MAP4K2: variants seen among roughly 807,000 people sequenced by gnomAD.
The protein encoded by MAP4K2 is B lymphocyte serine/threonine protein kinase.
A neutral mutation model predicts 125.3 loss-of-function variants in MAP4K2; 85 were observed. The observed-to-expected ratio is 0.68, with a 90% CI of 0.57 to 0.81. The LOEUF (loss-of-function observed/expected upper bound fraction) is 0.81. Ranked by LOEUF, MAP4K2 falls within the 40% of genes least tolerant of loss-of-function variation. The pLI is 0.00. For missense variants in MAP4K2, 923 were observed against 1,056.4 expected, an observed-to-expected ratio of 0.87 and a Z score of 1.75; for synonymous variants, 479 against 445.1, an observed-to-expected ratio of 1.08 and a Z score of -0.96.
chr11:64,803,122 G>T lies in MAP4K2; in HGVS notation c.28C>A (p.Gln10Lys). The change falls in exon 1 of 32, where the codon CAG (glutamine) becomes AAG (lysine). Residue 10 changes from glutamine (Q) to lysine (K), a missense_variant. Around this residue, in one of 2 missense-constraint regions of MAP4K2, gnomAD observed 833 missense variants for 911.4 expected, o/e 0.91. Transcript: ENST00000294066. MALLRDVSL[Q>K]DPRDRFELLQ... Reference sequence around the variant, plus strand: ...AGCTCGAAGCGGTCCCGCGGGTCCTGCAGCGACACATCCCGCAGCAGCGCC... The same window carrying T: ...AGCTCGAAGCGGTCCCGCGGGTCCTTCAGCGACACATCCCGCAGCAGCGCC... 6.3e-7 allele frequency: 1 copy of T among 1,575,064 alleles called. No homozygotes were observed. Among genetic ancestry groups the T allele is most frequent in the South Asian group, 1.1e-5 (1 of 88,140 alleles).
intron 24 of MAP4K2, 95 bp downstream of exon 24, chr11:64,796,178 C>T: frequency 1.7e-6 from 2 of 1,155,788 alleles, no homozygotes; most frequent in Non-Finnish European, 2.4e-6. Flanking sequence ...GACAACACGT[C>T]TAAGATTGCT....
In MAP4K2 at chr11:64,798,753, C is replaced by A. The variant is rs372463039; in HGVS notation, c.1097+41G>T. 4 of 1,611,520 alleles carry A rather than the reference C, an allele frequency of 2.5e-6. No homozygotes were observed. In the South Asian group the frequency reaches 3.3e-5, roughly 13 times the overall value. On this transcript the variant is annotated intron_variant, in intron 15 of 31. Transcript: ENST00000294066. ...CCCGGTCAGAGGTCAGCCTTTCTGCCGCCCCTGCCACCCCCTGCAGCTTCC... is the reference window on the plus strand; with the variant it reads ...CCCGGTCAGAGGTCAGCCTTTCTGCAGCCCCTGCCACCCCCTGCAGCTTCC...
intron 25 of MAP4K2, 44 bp downstream of exon 25, chr11:64,792,320 C>CG (rs774741913): frequency 1.9e-6 from 3 of 1,562,208 alleles, no homozygotes; most frequent in Non-Finnish European, 2.6e-6. Flanking sequence ...GCCTGCGCTG[C>CG]CCCCCACCAG....
At chr11:64,799,380 A>G in intron 14 of MAP4K2, 41 bp downstream of exon 14, 1 of 1,605,042 alleles carries the variant, frequency 6.2e-7, no homozygotes, top group Non-Finnish European at 8.5e-7. Context: ...TCCCTGCCCC[A>G]CCTCTGGGCA....
chr11:64,801,676 C>T, intron 6 of MAP4K2, 34 bp downstream of exon 6: 1 of 1,613,838 alleles, frequency 6.2e-7, no homozygotes, highest in Non-Finnish European at 8.5e-7. Flanking sequence ...GCCTCCTCCT[C>T]CCTCCCCAGG....
chr11:64,791,272 A>C (rs569213147), intron 27 of MAP4K2, among the ~76,000 whole-genome samples: 1 of 152,232 alleles, frequency 6.6e-6, no homozygotes, highest in Non-Finnish European at 1.5e-5. Flanking sequence ...CCAAGCTGCC[A>C]CAACACCTGG....
rs1940273877 is a variant in MAP4K2, at chr11:64,788,102, ACT to A, written c.*1433_*1434del. Reference sequence around the variant, plus strand: ...ACTGGACAGAGTCAGAACAGTTGAAACTCTGCTGGAGGGTGGCTGAGGGGACA... The same window carrying A: ...ACTGGACAGAGTCAGAACAGTTGAAACTGCTGGAGGGTGGCTGAGGGGACA... On this transcript the variant is annotated 3_prime_UTR_variant, in exon 32 of 32. Coordinates refer to ENST00000294066, the MANE Select transcript of MAP4K2 (RefSeq NM_004579.5). The A allele has an allele frequency of 2.0e-5, 3 of 151,814 alleles. No homozygotes were observed. Among genetic ancestry groups the A allele is most frequent in the Admixed American group, 6.6e-5 (1 of 15,236 alleles). 9.4% of individuals were successfully genotyped at this position (151,814 alleles called of 1,614,324 possible). A position where few individuals can be genotyped will look rare whatever the true frequency, so the allele number is the denominator to read the frequency against.
At chr11:64,799,940 G>A (rs1941059914) in intron 12 of MAP4K2, among the ~76,000 whole-genome samples, 169 bp downstream of exon 12, 1 of 152,200 alleles carries the variant, frequency 6.6e-6, no homozygotes, top group Non-Finnish European at 1.5e-5. Context: ...TCAAGGGGGT[G>A]GTACAGGAAA....
intron 7 of MAP4K2, 126 bp from the exon 8 acceptor site, chr11:64,801,309 G>T (rs1490640280): frequency 1.6e-6 from 2 of 1,219,068 alleles, no homozygotes; most frequent in East Asian, 5.1e-5. Flanking sequence ...GGTCACAGCT[G>T]CCGCAGGCCC....
At chr11:64,795,707 T>A (rs1178540318) in intron 24 of MAP4K2, among the ~76,000 whole-genome samples, 1 of 152,200 alleles carries the variant, frequency 6.6e-6, no homozygotes, top group Non-Finnish European at 1.5e-5. Flanking sequence ...CAGACTTTTT[T>A]GATTTTTTGT....
In MAP4K2 at chr11:64,789,768, T is replaced by A; in HGVS notation, c.2337A>T (p.Thr779=). 6.2e-7 allele frequency: 1 copy of A among 1,614,138 alleles called. No individual in the cohort carries two copies. Among genetic ancestry groups the A allele is most frequent in the Non-Finnish European group, 8.5e-7 (1 of 1,179,996 alleles). ...GCACTCGGAAGATCCTTGTTTCATC[T>A]GTGATCTCCTGGGTCACCTGGGAAG... ...LDTNEVTQEI[T]DETRIFRVLG... Residue 779 remains threonine (T), a synonymous_variant, in exon 31 of 32, where the codon ACA becomes ACT. Transcript: ENST00000294066.
rs1334708175 is a variant in MAP4K2, at chr11:64,801,774, G to A, written c.367-17C>T. ...GTGGAGCCCCTGGCGACAAAGAGGA[G>A]TCCCTGAGAGCAGCCACCCAGCACT... On this transcript the variant is annotated splice_polypyrimidine_tract_variant and intron_variant, in intron 5 of 31. Transcript: ENST00000294066. 8 of 1,611,920 alleles carry A rather than the reference G, an allele frequency of 5.0e-6. No homozygotes were observed. The highest frequency in any genetic ancestry group is 6.8e-6 in the Non-Finnish European group (8 of 1,179,782).
rs1249617110 is a variant in MAP4K2 at position 64,789,407 on chromosome 11, A to G, written c.*130T>C. The stretch of plus-strand genomic sequence containing the variant: ...CAGGCCTGAAACATTTCTCAGGATT[A>G]CTTCTGACCTTCAGCCCCAGCAGGG... On this transcript the variant is annotated 3_prime_UTR_variant, in exon 32 of 32. Coordinates refer to ENST00000294066, the MANE Select transcript of MAP4K2 (RefSeq NM_004579.5). 1 of 765,948 alleles carries G rather than the reference A, an allele frequency of 1.3e-6. No homozygotes were observed. The highest frequency in any genetic ancestry group is 2.1e-6 in the Non-Finnish European group (1 of 469,996). 47.4% of individuals were successfully genotyped at this position (765,948 alleles called of 1,614,324 possible). A position where few individuals can be genotyped will look rare whatever the true frequency, so the allele number is the denominator to read the frequency against.
chr11:64,792,556 C>G (rs1940564530), intron 24 of MAP4K2, 134 bp from the exon 25 acceptor site: 1 of 743,652 alleles, frequency 1.3e-6, no homozygotes, highest in Non-Finnish European at 2.2e-6. Flanking sequence ...CACAGAGTAA[C>G]TTGCCCCAAG....
chr11:64,802,708 G>T, intron 2 of MAP4K2, 55 bp from the exon 3 acceptor site: 1 of 1,549,742 alleles, frequency 6.5e-7, no homozygotes, highest in Non-Finnish European at 8.8e-7. Flanking sequence ...CTGACTCAGT[G>T]CCCCCATCTG....
rs1433918512 is a variant in MAP4K2, at chr11:64,800,822, G to A, written c.667C>T (p.Leu223=). 1 of 1,612,710 alleles carries A rather than the reference G, an allele frequency of 6.2e-7. No homozygotes were observed. Residue 223 remains leucine, a synonymous_variant, in exon 10 of 32, where the codon CTG becomes TTG. Coordinates refer to ENST00000294066, the MANE Select transcript of MAP4K2 (RefSeq NM_004579.5). Reference sequence around the variant, plus strand: ...AAGCTGCTCTTCGACATGAGCATCAGGGCCCTGTGGAGGGCGCGAGGTCAG... The same window carrying A: ...AAGCTGCTCTTCGACATGAGCATCAAGGCCCTGTGGAGGGCGCGAGGTCAG... ...PLFHLHPMRA[L]MLMSKSSFQP... is the part of the protein sequence containing the mutation.
At position 64,787,672 on chromosome 11, in the gene MAP4K2, G is replaced by T. The variant is rs1256832363; in HGVS notation, c.*1865C>A. 6.6e-6 allele frequency: 1 copy of T among 152,190 alleles called. No homozygotes were observed. Among genetic ancestry groups the T allele is most frequent in the African/African-American group, 2.4e-5 (1 of 41,424 alleles). The allele number at this position is 152,190 out of a possible 1,614,324, so 9.4% of individuals were successfully genotyped here. A position where few individuals can be genotyped will look rare whatever the true frequency, so the allele number is the denominator to read the frequency against. On this transcript the variant is annotated 3_prime_UTR_variant, in exon 32 of 32. Coordinates refer to ENST00000294066, the MANE Select transcript of MAP4K2 (RefSeq NM_004579.5). ...TTTGCTGGCAGCAAGCGTTTTATGG[G>T]AGGCCCCCACTTTGGCAGTTTACAC...
At chr11:64,790,859 G>A (rs1025674950) in intron 27 of MAP4K2, among the ~76,000 whole-genome samples, 1 of 152,232 alleles carries the variant, frequency 6.6e-6, no homozygotes, top group Non-Finnish European at 1.5e-5. Flanking sequence ...TCCTGGGCTG[G>A]GCGCAGTGGC....
At chr11:64,798,476 T>C (rs1215344555) in intron 15 of MAP4K2, among the ~76,000 whole-genome samples, 1 of 152,156 alleles carries the variant, frequency 6.6e-6, no homozygotes, top group Non-Finnish European at 1.5e-5. Context: ...ATTTTTGTAT[T>C]TTAAGTAGAG....
Sources: allele counts gnomAD v4.1 joint callset (sites outside exome capture counted in the v4.1 genomes callset), GRCh38; gene constraint gnomAD v4.1.1; regional missense constraint gnomAD v4.1.1; transcripts MANE v1.5; gene names NCBI Gene and HGNC (gene_info 2026-07-23, HGNC 2026-07-21).